The following PIK3C2G variants were observed in gnomAD, a reference collection of about 807,000 sequenced individuals.
PIK3C2G encodes the protein phosphatidylinositol 3-kinase C2 domain-containing subunit gamma.
A neutral mutation model predicts 181.1 loss-of-function variants in PIK3C2G; 168 were observed. The observed-to-expected ratio is 0.93, with a 90% confidence interval of 0.82 to 1.05. The LOEUF (loss-of-function observed/expected upper bound fraction) is 1.05. Among genes scored for constraint, PIK3C2G ranks in the 50% least tolerant of loss-of-function variants. The probability of loss-of-function intolerance (pLI) is 0.00; values close to 1 mark genes in which losing one functional copy is unlikely to be tolerated. For missense variants in PIK3C2G, 1,869 were observed against 1,732.8 expected (o/e 1.08, Z -1.40); for synonymous variants, 573 against 592.2 (o/e 0.97, Z 0.47).
In PIK3C2G at chr12:18,282,408, T is replaced by G. The variant is rs745675489; in HGVS notation, c.327T>G (p.Phe109Leu). ...TTAGCAAAGCACCAGCAATTGGTTT[T>G]AGTCCTTCTGTGTTACCAAAACCTC... ...HQVSKAPAIG[F>L]SPSVLPKPQN... Residue 109 changes from phenylalanine to leucine, a missense_variant, in exon 2 of 33, where the codon TTT (phenylalanine) becomes TTG (leucine). Physicochemically the swap from Phe to Leu is conservative, Grantham distance 22. Transcript: ENST00000538779. 2 of 1,613,562 alleles carry G rather than the reference T, an allele frequency of 1.2e-6. No homozygotes were observed. Among genetic ancestry groups the G allele is most frequent in the East Asian group, 4.5e-5 (2 of 44,870 alleles).
At chr12:18,401,977 T>C (rs1944271598) in intron 16 of PIK3C2G, among the ~76,000 whole-genome samples, 1 of 152,128 alleles carries the variant, frequency 6.6e-6, no homozygotes, top group African/African-American at 2.4e-5. Flanking sequence ...GTTTCTTAAG[T>C]GTTAAACCCA....
At chr12:18,338,290 CT>C in intron 8 of PIK3C2G, 135 bp from the exon 9 acceptor site, 2 of 676,284 alleles carry the variant, frequency 3.0e-6, no homozygotes, top group South Asian at 2.1e-5. Context: ...GTCTTGAGAA[CT>C]TTCTTTTTGT....
intron 1 of PIK3C2G, among the ~76,000 whole-genome samples, chr12:18,279,629 G>A (rs568686132): frequency 7.2e-5 from 11 of 152,102 alleles, no homozygotes; most frequent in African/African-American, 2.4e-4. Flanking sequence ...AGTCACACCT[G>A]CTGACAAATT....
At chr12:18,583,117 T>G (rs1210291046) in intron 29 of PIK3C2G, among the ~76,000 whole-genome samples, 1 of 152,060 alleles carries the variant, frequency 6.6e-6, no homozygotes, top group Non-Finnish European at 1.5e-5. Context: ...CTATTTCTCT[T>G]CACTGGGCAG....
intron 26 of PIK3C2G, among the ~76,000 whole-genome samples, chr12:18,561,387 G>A (rs1047027514): frequency 6.6e-6 from 1 of 152,194 alleles, no homozygotes; most frequent in East Asian, 1.9e-4. Context: ...GCTGAGGAGG[G>A]AAGATCCTTT....
At chr12:18,614,450 A>G (rs1740248795) in intron 31 of PIK3C2G, among the ~76,000 whole-genome samples, 1 of 152,078 alleles carries the variant, frequency 6.6e-6, no homozygotes, top group South Asian at 2.1e-4. Flanking sequence ...TCCTTTTTGA[A>G]CATTTTGTTA....
chr12:18,461,610 AT>A (rs1947920932), intron 18 of PIK3C2G, among the ~76,000 whole-genome samples: 1 of 152,200 alleles, frequency 6.6e-6, no homozygotes, highest in South Asian at 2.1e-4. Context: ...CAACATCTGT[AT>A]TCTAACTTGG....
the PIK3C2G span, among the ~76,000 whole-genome samples, chr12:18,709,032 A>G: frequency 6.6e-6 from 1 of 151,940 alleles, no homozygotes; most frequent in Admixed American, 6.6e-5. Context: ...AGTCCCAGTT[A>G]TTTATTTTTG....
intron 29 of PIK3C2G, among the ~76,000 whole-genome samples, chr12:18,584,642 T>C (rs1056481982): frequency 2.9e-4 from 44 of 152,120 alleles, no homozygotes; most frequent in Admixed American, 1.4e-3. Flanking sequence ...AATTGAAAAC[T>C]TCCCCAACAT....
intron 24 of PIK3C2G, among the ~76,000 whole-genome samples, chr12:18,528,163 A>G (rs534749235): frequency 4.0e-4 from 61 of 152,258 alleles, no homozygotes; most frequent in African/African-American, 1.4e-3. Context: ...GGAGATTCCA[A>G]ATTTGCCTTC....
intron 24 of PIK3C2G, among the ~76,000 whole-genome samples, chr12:18,523,647 A>T (rs1943051168): frequency 6.6e-6 from 1 of 152,220 alleles, no homozygotes; most frequent in Non-Finnish European, 1.5e-5. Context: ...GTTGCCTTCA[A>T]GTCTGGGAAA....
At chr12:18,643,612 C>G (rs1481067601) in intron 32 of PIK3C2G, among the ~76,000 whole-genome samples, 1 of 151,576 alleles carries the variant, frequency 6.6e-6, no homozygotes, top group African/African-American at 2.4e-5. Context: ...AAGAAGCACA[C>G]TAGATGTTAA....
chr12:18,436,592 A>G (rs2135796135), intron 18 of PIK3C2G, among the ~76,000 whole-genome samples: 1 of 152,146 alleles, frequency 6.6e-6, no homozygotes, highest in South Asian at 2.1e-4. Context: ...AATTCATTCA[A>G]TACCTATTGA....
intron 1 of PIK3C2G, among the ~76,000 whole-genome samples, chr12:18,250,421 G>A (rs540965972): frequency 1.3e-5 from 2 of 152,056 alleles, no homozygotes; most frequent in South Asian, 2.1e-4. Flanking sequence ...TTCTCATAAG[G>A]CATGATTTTT....
At chr12:18,562,646 G>T in intron 26 of PIK3C2G, 57 bp from the exon 27 acceptor site, 2 of 1,025,230 alleles carry the variant, frequency 2.0e-6, no homozygotes, top group South Asian at 1.5e-5. Context: ...GATCATAAAT[G>T]AAATGAGTAG....
In PIK3C2G at chr12:18,381,887, GC is replaced by G. The variant is rs1280965553; in HGVS notation, c.1995+9del. On this transcript the variant is annotated splice_region_variant and intron_variant, in intron 14 of 32. Transcript: ENST00000538779. ...ATCCCCGGTGACCCTGCAGGTAAGT[GC>G]CAGGCTAAAAGATTAAAGTACACAT... The G allele has an allele frequency of 2.6e-6, 4 of 1,536,660 alleles. No individual in the cohort carries two copies. The highest frequency in any genetic ancestry group is 1.7e-5 in the Admixed American group (1 of 59,882).
the PIK3C2G span, among the ~76,000 whole-genome samples, chr12:18,654,353 A>G: frequency 6.4e-3 from 970 of 152,170 alleles, 8 homozygotes; most frequent in African/African-American, 0.023. Flanking sequence ...GAGCAGATAT[A>G]ATGATTTCCT....
chr12:18,505,252 T>G, intron 23 of PIK3C2G, 40 bp from the exon 24 acceptor site: 1 of 1,520,146 alleles, frequency 6.6e-7, no homozygotes, highest in Non-Finnish European at 8.9e-7. Flanking sequence ...TTGCTCATTT[T>G]TTGTTGTTAT....
chr12:18,692,703 C>T, the PIK3C2G span: 1 of 755,988 alleles, frequency 1.3e-6, no homozygotes, highest in South Asian at 1.6e-5. Context: ...AAATCAAATA[C>T]AGACTTTGAA....
Sources: gnomAD v4.1 joint callset for allele counts (sites outside exome capture counted in the v4.1 genomes callset) on GRCh38, gnomAD v4.1.1 for gene constraint, MANE v1.5 for transcripts, NCBI Gene and HGNC (gene_info 2026-07-23, HGNC 2026-07-21) for gene names.